LUZP1: variants seen among roughly 807,000 people sequenced by gnomAD.
LUZP1 encodes leucine zipper protein 1, also known as filamin mechanobinding actin cross-linking protein.
A neutral mutation model predicts 71.3 loss-of-function variants in LUZP1; 25 were observed. The observed-to-expected ratio is 0.35, with a 90% CI of 0.26 to 0.49. The LOEUF is 0.49. LUZP1 is among the 20% of genes least tolerant of loss of function. LUZP1 has a pLI of 0.99. For missense variants in LUZP1, 1,142 were observed against 1,300.8 expected (o/e 0.88, Z 1.88); for synonymous variants, 481 against 506.4 (o/e 0.95, Z 0.67).
chr1:23,138,827 G>A (rs1644277302), intron 2 of LUZP1, among the ~76,000 whole-genome samples: 1 of 149,146 alleles, frequency 6.7e-6, no homozygotes, highest in Non-Finnish European at 1.5e-5. Flanking sequence ...GTGAAACCTC[G>A]TCTCTGCTAA....
Position 23,093,029 on chromosome 1 carries a change from A to G in LUZP1, c.1233T>C (p.Asn411=), listed in dbSNP as rs771889500. Residue 411 remains asparagine (N), a synonymous_variant, in exon 4 of 5, where the codon AAT becomes AAC. Coordinates refer to ENST00000302291, the Ensembl canonical transcript of LUZP1. This position sits in a 1 kb window ranked among gnomAD's most constrained non-coding sequence, Gnocchi z 4.2. Reference sequence around the variant, plus strand: ...GCCTGTTGCTCAGAGAATAGTTTTCATTGTTGAGAGCAAACTCCCTGTTCC... The same window carrying G: ...GCCTGTTGCTCAGAGAATAGTTTTCGTTGTTGAGAGCAAACTCCCTGTTCC... 35 of 1,613,962 alleles carry G rather than the reference A, an allele frequency of 2.2e-5. No individual in the cohort carries two copies. The highest frequency in any genetic ancestry group is 3.3e-5 in the Admixed American group (2 of 59,990).
At chr1:23,092,275 A>C (rs755871756) in exon 4 of LUZP1, 1 of 1,614,204 alleles carries the variant, frequency 6.2e-7, no homozygotes, top group Admixed American at 1.7e-5. Context: ...GCTATGTCCA[A>C]GTCATCATCT....
intron 2 of LUZP1, among the ~76,000 whole-genome samples, chr1:23,167,156 A>C (rs988702138): frequency 6.6e-6 from 1 of 152,194 alleles, no homozygotes; most frequent in Non-Finnish European, 1.5e-5. Flanking sequence ...GTTGCAAACA[A>C]GGTGACAGAA....
chr1:23,139,087 A>G (rs887340401), intron 2 of LUZP1, among the ~76,000 whole-genome samples: 5 of 141,484 alleles, frequency 3.5e-5, no homozygotes, highest in Non-Finnish European at 7.6e-5. Flanking sequence ...ATGTGTGTGT[A>G]TATATATAGA....
chr1:23,153,735 A>G (rs777507732), intron 2 of LUZP1, among the ~76,000 whole-genome samples: 19 of 152,132 alleles, frequency 1.2e-4, no homozygotes, highest in Non-Finnish European at 1.9e-4. Flanking sequence ...GGAGTTCGAG[A>G]CCAGCCTGAG....
intron 2 of LUZP1, among the ~76,000 whole-genome samples, chr1:23,147,183 G>A (rs1644350591): frequency 6.6e-6 from 1 of 151,524 alleles, no homozygotes; most frequent in South Asian, 2.1e-4. Context: ...GCTCATGCCT[G>A]TAATCCCAGC....
intron 2 of LUZP1, among the ~76,000 whole-genome samples, chr1:23,113,647 C>T (rs923612173): frequency 1.3e-5 from 2 of 151,970 alleles, no homozygotes; most frequent in East Asian, 3.9e-4. Context: ...TTTGGGTGGC[C>T]GAGGCAGGCG....
exon 4 of LUZP1, chr1:23,091,589 G>C (rs775355531): frequency 6.2e-7 from 1 of 1,614,154 alleles, no homozygotes; most frequent in Admixed American, 1.7e-5. Context: ...GAGGTGCATG[G>C]CTATTCCTCT....
chr1:23,091,626 A>C (rs1643856186), exon 4 of LUZP1: 1 of 1,614,130 alleles, frequency 6.2e-7, no homozygotes, highest in African/African-American at 1.3e-5. Flanking sequence ...CTTGATTATA[A>C]TGCTGCTCCG....
intron 3 of LUZP1, among the ~76,000 whole-genome samples, chr1:23,097,527 TTAGAC>T (rs1320542725): frequency 6.6e-6 from 1 of 152,158 alleles, no homozygotes; most frequent in African/African-American, 2.4e-5. Context: ...AGATCTGCTC[TTAGAC>T]TACATGTGAA....
rs538327046 is a variant in LUZP1, at chr1:23,166,653, CAAAAAA to C, written c.-226+2107_-226+2112del. Among the ~76,000 whole-genome samples the C allele has an allele frequency of 2.4e-3, 173 of 70,880 alleles. 1 individual carries two copies. Among genetic ancestry groups the C allele is most frequent in the Admixed American group, 5.0e-3 (29 of 5,798 alleles). The allele number at this position is 70,880 out of a possible 152,430, so 46.5% of individuals were successfully genotyped here. A position where few individuals can be genotyped will look rare whatever the true frequency, so the allele number is the denominator to read the frequency against. ...CTGGGTGACACAGAGCACTCCGTCTCAAAAAAAAAAAAAAAAAAAAAAAAGGGATGC... is the reference window on the plus strand; with the variant it reads ...CTGGGTGACACAGAGCACTCCGTCTCAAAAAAAAAAAAAAAAAAGGGATGC... On this transcript the variant is annotated intron_variant, in intron 2 of 4. Coordinates refer to ENST00000302291, the Ensembl canonical transcript of LUZP1.
At position 23,093,285 on chromosome 1, in the gene LUZP1, T is replaced by C. The variant is rs1251535609; in HGVS notation, c.977A>G (p.Tyr326Cys). 1 of 1,611,844 alleles carries C rather than the reference T, an allele frequency of 6.2e-7. No homozygotes were observed. The highest frequency in any genetic ancestry group is 8.5e-7 in the Non-Finnish European group (1 of 1,179,528). ...TTTGTTTTTATTTTGTTCACTTAGG[T>C]AATTATCCTGAAGGTCGTTATTTTT... Residue 326 changes from tyrosine to cysteine, a missense_variant, in exon 4 of 5, where the codon TAC becomes TGC. By Grantham distance (194) the Tyr-to-Cys change is radical (BLOSUM62 -2). Transcript: ENST00000302291. This position sits in a 1 kb window ranked among gnomAD's most constrained non-coding sequence, Gnocchi z 4.2.
At chr1:23,149,303 G>A (rs1252960856) in intron 2 of LUZP1, among the ~76,000 whole-genome samples, 9 of 151,954 alleles carry the variant, frequency 5.9e-5, no homozygotes, top group Non-Finnish European at 1.0e-4. Context: ...AAAGTCCACA[G>A]AGTACAGAGC....
In LUZP1 at chr1:23,093,302, G is replaced by A. The variant is rs771517431; in HGVS notation, c.960C>T (p.Asn320=). 44 of 1,610,168 alleles carry A rather than the reference G, an allele frequency of 2.7e-5. No individual in the cohort carries two copies. The highest frequency in any genetic ancestry group is 3.0e-5 in the Non-Finnish European group (35 of 1,179,106). Reference sequence around the variant, plus strand: ...CACTTAGGTAATTATCCTGAAGGTCGTTATTTTTGGACTTCATTTTCTTAA... The same window carrying A: ...CACTTAGGTAATTATCCTGAAGGTCATTATTTTTGGACTTCATTTTCTTAA... The change falls in exon 4 of 5, where the codon AAC becomes AAT. Residue 320 remains asparagine, a synonymous_variant. Coordinates refer to ENST00000302291, the Ensembl canonical transcript of LUZP1. This position sits in a 1 kb window ranked among gnomAD's most constrained non-coding sequence, Gnocchi z 4.2.
chr1:23,138,555 G>A (rs955835480), intron 2 of LUZP1, among the ~76,000 whole-genome samples: 2 of 151,900 alleles, frequency 1.3e-5, no homozygotes, highest in African/African-American at 4.8e-5. Flanking sequence ...TGATAAAAAT[G>A]TTCTGAAATT....
At chr1:23,152,046 C>T (rs1233413480) in intron 2 of LUZP1, among the ~76,000 whole-genome samples, 1 of 150,984 alleles carries the variant, frequency 6.6e-6, no homozygotes, top group East Asian at 1.9e-4. Flanking sequence ...ATATACTCCA[C>T]ATGTTGCAAT....
At chr1:23,111,051 T>C (rs1053704826) in intron 2 of LUZP1, among the ~76,000 whole-genome samples, 1 of 151,368 alleles carries the variant, frequency 6.6e-6, no homozygotes, top group African/African-American at 2.4e-5. Context: ...AATACAAAAA[T>C]TAGCTGGGCA....
intron 3 of LUZP1, among the ~76,000 whole-genome samples, chr1:23,107,514 G>C (rs1643992843): frequency 1.3e-5 from 2 of 152,162 alleles, no homozygotes; most frequent in Admixed American, 1.3e-4. Flanking sequence ...TAATAGGTAT[G>C]TGTAGGCTGG....
intron 3 of LUZP1, among the ~76,000 whole-genome samples, chr1:23,108,053 A>G (rs61780493): frequency 0.031 from 4,767 of 152,204 alleles, 100 homozygotes; most frequent in Middle Eastern, 0.048. Context: ...TCATCCAGCT[A>G]TCAGGAGCAA....
Sources: allele counts gnomAD v4.1 joint callset (sites outside exome capture counted in the v4.1 genomes callset), GRCh38; gene constraint gnomAD v4.1.1; non-coding constraint Gnocchi (gnomAD v3.1); transcripts MANE v1.5; gene names NCBI Gene and HGNC (gene_info 2026-07-23, HGNC 2026-07-21).